NCKAP5: variants seen among roughly 807,000 people sequenced by gnomAD.
The protein encoded by NCKAP5 is nck-associated protein 5.
In NCKAP5, 92 loss-of-function variants were observed where a neutral mutation model predicts 167.0. The ratio of observed to expected loss-of-function variants is 0.55; its 90% CI spans 0.47 to 0.66. The LOEUF (loss-of-function observed/expected upper bound fraction) is 0.66, where lower values mean the gene tolerates loss of function less well. Among genes scored for constraint, NCKAP5 ranks in the 30% least tolerant of loss-of-function variants. NCKAP5 has a pLI of 0.00. For missense variants in NCKAP5, 2,378 were observed against 2,315.0 expected, an observed-to-expected ratio of 1.03 and a Z score of -0.56; for synonymous variants, 891 against 877.4, an observed-to-expected ratio of 1.02 and a Z score of -0.27.
At position 133,160,433 on chromosome 2, in the gene NCKAP5, C is replaced by CT. The variant is rs869057265; in HGVS notation, c.208-30323dup. Among the ~76,000 whole-genome samples the CT allele has an allele frequency of 8.9e-3, 895 of 100,794 alleles. 26 individuals are homozygous for CT. Among genetic ancestry groups the CT allele is most frequent in the African/African-American group, 0.038 (831 of 21,912 alleles). 66.1% of individuals were successfully genotyped at this position (100,794 alleles called of 152,430 possible). A position where few individuals can be genotyped will look rare whatever the true frequency, so the allele number is the denominator to read the frequency against. ...CTTTTTTTTTTTTTTCTTTTCCTTT[C>CT]TTTTTCTTTTTTTTTTTTTTAGCAG... On this transcript the variant is annotated intron_variant, in intron 5 of 19. Coordinates refer to ENST00000409261, the MANE Select transcript of NCKAP5 (RefSeq NM_207363.3).
At chr2:133,481,951 C>T (rs1319379571) in intron 3 of NCKAP5, among the ~76,000 whole-genome samples, 1 of 152,152 alleles carries the variant, frequency 6.6e-6, no homozygotes, top group Non-Finnish European at 1.5e-5. Flanking sequence ...TATATTTGTA[C>T]ACTTTAACCC....
chr2:133,578,423 G>T, the NCKAP5 span, among the ~76,000 whole-genome samples: 1 of 152,248 alleles, frequency 6.6e-6, no homozygotes, highest in African/African-American at 2.4e-5. Context: ...ACGCAGACAT[G>T]CACTGCATGG....
At chr2:133,155,846 T>A (rs2083557783) in intron 5 of NCKAP5, among the ~76,000 whole-genome samples, 1 of 152,214 alleles carries the variant, frequency 6.6e-6, no homozygotes, top group African/African-American at 2.4e-5. Flanking sequence ...CCTGCAGATT[T>A]TGGACTTACC....
intron 5 of NCKAP5, among the ~76,000 whole-genome samples, chr2:133,171,379 T>C (rs73000866): frequency 0.05 from 7,582 of 152,214 alleles, 609 homozygotes; most frequent in African/African-American, 0.17. Flanking sequence ...TTTGTTGTTT[T>C]AATAGAGAAA....
At chr2:133,355,422 A>T (rs1198899801) in intron 3 of NCKAP5, among the ~76,000 whole-genome samples, 1 of 152,230 alleles carries the variant, frequency 6.6e-6, no homozygotes, top group African/African-American at 2.4e-5. Flanking sequence ...TTCTCAAGAT[A>T]TAAGATGCTA....
intron 8 of NCKAP5, among the ~76,000 whole-genome samples, chr2:132,918,969 T>G (rs1323019231): frequency 6.6e-6 from 1 of 152,152 alleles, no homozygotes; most frequent in African/African-American, 2.4e-5. Context: ...TCATCTGGAG[T>G]TGGCACCATG....
At chr2:133,409,624 C>CT (rs1688654536) in intron 3 of NCKAP5, among the ~76,000 whole-genome samples, 1 of 150,812 alleles carries the variant, frequency 6.6e-6, no homozygotes, top group Non-Finnish European at 1.5e-5. Context: ...CTTTTGGAGC[C>CT]AAGGTTAGGG....
chr2:133,244,290 A>T (rs1249026593), intron 4 of NCKAP5, among the ~76,000 whole-genome samples: 1 of 152,160 alleles, frequency 6.6e-6, no homozygotes, highest in African/African-American at 2.4e-5. Context: ...ATCTCTTTGT[A>T]AGATCCTCCC....
At chr2:133,601,524 G>GT in the NCKAP5 span, among the ~76,000 whole-genome samples, 1 of 152,140 alleles carries the variant, frequency 6.6e-6, no homozygotes, top group African/African-American at 2.4e-5. Context: ...GAGGTCAGGA[G>GT]TTTAAGACCA....
intron 1 of NCKAP5, among the ~76,000 whole-genome samples, chr2:133,565,851 C>A (rs532526278): frequency 6.6e-6 from 1 of 152,314 alleles, no homozygotes; most frequent in East Asian, 1.9e-4. Context: ...ATATTTAATT[C>A]ATTCATTTAT....
chr2:132,730,361 G>A (rs1690877404), intron 17 of NCKAP5, among the ~76,000 whole-genome samples: 1 of 152,152 alleles, frequency 6.6e-6, no homozygotes, highest in African/African-American at 2.4e-5. Flanking sequence ...CAGGTATGGT[G>A]GCACATGACT....
At chr2:133,112,259 G>A (rs6726573) in intron 6 of NCKAP5, among the ~76,000 whole-genome samples, 3,030 of 152,210 alleles carry the variant, frequency 0.02, 93 homozygotes, top group African/African-American at 0.07. Context: ...TGGATCACGA[G>A]GTCAGGAGAT....
At chr2:132,688,197 G>T (rs1411920867) in intron 19 of NCKAP5, among the ~76,000 whole-genome samples, 1 of 152,028 alleles carries the variant, frequency 6.6e-6, no homozygotes, top group Non-Finnish European at 1.5e-5. Flanking sequence ...GTAAGAGGTT[G>T]GTACATTCTG....
intron 11 of NCKAP5, among the ~76,000 whole-genome samples, chr2:132,809,123 C>T (rs1462992994): frequency 6.6e-6 from 1 of 152,060 alleles, no homozygotes; most frequent in Non-Finnish European, 1.5e-5. Context: ...CCACTGTGGT[C>T]TGAGAGAGTG....
intron 3 of NCKAP5, among the ~76,000 whole-genome samples, chr2:133,371,312 A>T (rs951988544): frequency 3.3e-5 from 5 of 152,182 alleles, no homozygotes; most frequent in African/African-American, 1.2e-4. Flanking sequence ...CAAGCATATA[A>T]TCAAAGCATG....
At chr2:132,975,771 G>C (rs2076960759) in intron 7 of NCKAP5, among the ~76,000 whole-genome samples, 1 of 151,504 alleles carries the variant, frequency 6.6e-6, no homozygotes, top group South Asian at 2.1e-4. Flanking sequence ...AAACTTACAT[G>C]CTTAAGAGTC....
At chr2:132,706,757 T>A (rs562164683) in intron 19 of NCKAP5, among the ~76,000 whole-genome samples, 2 of 152,004 alleles carry the variant, frequency 1.3e-5, no homozygotes, top group Non-Finnish European at 2.9e-5. Context: ...GGGTCTGATA[T>A]GACATGAAAG....
intron 19 of NCKAP5, among the ~76,000 whole-genome samples, chr2:132,722,615 A>G (rs190616618): frequency 1.6e-4 from 24 of 152,126 alleles, no homozygotes; most frequent in Admixed American, 1.4e-3. Flanking sequence ...CATGAGCCCC[A>G]GACTCTCCTA....
chr2:133,198,526 G>T (rs1350311249), intron 5 of NCKAP5, among the ~76,000 whole-genome samples: 1 of 152,010 alleles, frequency 6.6e-6, no homozygotes, highest in African/African-American at 2.4e-5. Context: ...CAAGCTTTTA[G>T]AAAATAAAAC....
Sources: allele counts gnomAD v4.1 joint callset (sites outside exome capture counted in the v4.1 genomes callset), GRCh38; gene constraint gnomAD v4.1.1; transcripts MANE v1.5; gene names NCBI Gene and HGNC (gene_info 2026-07-23, HGNC 2026-07-21).